MAML3: variants seen among roughly 807,000 people sequenced by gnomAD.
MAML3 encodes mastermind like transcriptional coactivator 3.
In MAML3, 27 loss-of-function variants were observed where a neutral mutation model predicts 101.9. The ratio of observed to expected loss-of-function variants is 0.27; its 90% confidence interval spans 0.20 to 0.37. The LOEUF is 0.37. MAML3 is among the 10% of genes least tolerant of loss of function. MAML3 has a pLI of 1.00. For synonymous variants in MAML3, 501 were observed against 555.9 expected (o/e 0.90, Z 1.39); for missense variants, 1,316 against 1,444.9 (o/e 0.91, Z 1.45).
At chr4:140,018,882 G>C (rs1195291950) in intron 1 of MAML3, among the ~76,000 whole-genome samples, 1 of 151,852 alleles carries the variant, frequency 6.6e-6, no homozygotes, top group Non-Finnish European at 1.5e-5. Context: ...ACACAGAGCA[G>C]TCATAACTGA....
intron 2 of MAML3, among the ~76,000 whole-genome samples, chr4:139,757,912 T>C (rs1729685212): frequency 6.6e-6 from 1 of 152,118 alleles, no homozygotes; most frequent in African/African-American, 2.4e-5. Context: ...CTCCCTGCCA[T>C]CACCGTGGCT....
chr4:139,808,668 C>T (rs1452832037), intron 2 of MAML3, among the ~76,000 whole-genome samples: 1 of 152,184 alleles, frequency 6.6e-6, no homozygotes, highest in East Asian at 1.9e-4. Context: ...CCTTTGTGTT[C>T]TCTCCCTCCC....
chr4:140,147,180 T>C (rs1422552009), intron 1 of MAML3, among the ~76,000 whole-genome samples: 1 of 149,638 alleles, frequency 6.7e-6, no homozygotes, highest in African/African-American at 2.5e-5. Flanking sequence ...TGAATCTGGC[T>C]AGAATAATAC....
intron 2 of MAML3, among the ~76,000 whole-genome samples, chr4:139,843,899 C>T (rs1731401007): frequency 6.6e-6 from 1 of 152,198 alleles, no homozygotes; most frequent in Non-Finnish European, 1.5e-5. Flanking sequence ...ACCCCACTCA[C>T]CAAAGGAGAA....
intron 1 of MAML3, among the ~76,000 whole-genome samples, chr4:140,080,994 C>T (rs1339231415): frequency 2.6e-5 from 4 of 152,164 alleles, no homozygotes; most frequent in Admixed American, 1.3e-4. Flanking sequence ...AATATATGAG[C>T]TGTTAGGTGG....
chr4:139,957,920 A>C (rs1030011895), intron 1 of MAML3, among the ~76,000 whole-genome samples: 3 of 152,270 alleles, frequency 2.0e-5, no homozygotes, highest in African/African-American at 7.2e-5. Context: ...TGACTGACAC[A>C]GAAGATCATT....
intron 1 of MAML3, among the ~76,000 whole-genome samples, chr4:139,911,913 G>C (rs886385419): frequency 1.3e-5 from 2 of 152,198 alleles, no homozygotes; most frequent in African/African-American, 4.8e-5. Flanking sequence ...TGTTACAGCA[G>C]CCTGGAAAGA....
intron 2 of MAML3, among the ~76,000 whole-genome samples, chr4:139,764,191 T>TAGTCCTGCTGACAAGC (rs1431073468): frequency 3.9e-5 from 6 of 152,254 alleles, no homozygotes; most frequent in Non-Finnish European, 8.8e-5. Flanking sequence ...CCTGGATCTG[T>TAGTCCTGCTGACAAGC]AGTCCTGCTG....
intron 1 of MAML3, among the ~76,000 whole-genome samples, chr4:140,032,342 G>T (rs369160865): frequency 2.0e-4 from 30 of 152,274 alleles, no homozygotes; most frequent in African/African-American, 6.5e-4. Flanking sequence ...TCTTTGTAGC[G>T]GATGACCTGT....
intron 1 of MAML3, among the ~76,000 whole-genome samples, chr4:140,056,778 T>C (rs527301120): frequency 6.7e-6 from 1 of 148,466 alleles, no homozygotes; most frequent in Middle Eastern, 3.3e-3. Flanking sequence ...CACTGCACTC[T>C]CCAGCCTCAG....
chr4:139,991,591 G>C (rs116172872), intron 1 of MAML3, among the ~76,000 whole-genome samples: 1 of 152,012 alleles, frequency 6.6e-6, no homozygotes, highest in African/African-American at 2.4e-5. Context: ...CATAAATCTT[G>C]TTCTTGAAAA....
intron 1 of MAML3, among the ~76,000 whole-genome samples, chr4:139,939,276 T>G (rs979873178): frequency 9.9e-5 from 15 of 152,240 alleles, no homozygotes; most frequent in Admixed American, 6.5e-4. Context: ...CTCCTCATTC[T>G]TGACAGAGGC....
chr4:139,732,672 G>A (rs1453192925), intron 2 of MAML3, among the ~76,000 whole-genome samples: 3 of 151,860 alleles, frequency 2.0e-5, no homozygotes, highest in Admixed American at 6.6e-5. Flanking sequence ...TCGGGGTACA[G>A]GTGGTATTTG....
Position 139,890,821 on chromosome 4 carries a change from A to G in MAML3, c.615T>C (p.Asn205=), listed in dbSNP as rs1732462867. 3 of 1,614,046 alleles carry G rather than the reference A, an allele frequency of 1.9e-6. No individual in the cohort carries two copies. The highest frequency in any genetic ancestry group is 2.5e-6 in the Non-Finnish European group (3 of 1,179,898). ...DISAGMEAIN[N]LPSNMPLPSA... is the part of the protein sequence containing the mutation. ...AAGGCAGTGGCATGTTACTGGGCAAATTGTTGATGGCTTCCATCCCCGCAG... is the reference window on the plus strand; with the variant it reads ...AAGGCAGTGGCATGTTACTGGGCAAGTTGTTGATGGCTTCCATCCCCGCAG... Residue 205 remains asparagine (N), a synonymous_variant, in exon 2 of 5, where the codon AAT becomes AAC. Coordinates refer to ENST00000509479, the MANE Select transcript of MAML3 (RefSeq NM_018717.5). This position sits in a 1 kb window ranked among gnomAD's most constrained non-coding sequence, Gnocchi z 4.1.
At chr4:140,110,573 G>A (rs1259396847) in intron 1 of MAML3, among the ~76,000 whole-genome samples, 3 of 152,176 alleles carry the variant, frequency 2.0e-5, no homozygotes, top group Non-Finnish European at 4.4e-5. Context: ...ACTTTGACCA[G>A]CAAACACTTT....
At chr4:139,915,830 A>G (rs1733016369) in intron 1 of MAML3, among the ~76,000 whole-genome samples, 1 of 152,164 alleles carries the variant, frequency 6.6e-6, no homozygotes, top group South Asian at 2.1e-4. Context: ...GGGGACAGGA[A>G]TTCCTCCGGA....
rs552087495 is a variant in MAML3 at position 139,878,064 on chromosome 4, T to C, written c.2079+11293A>G. Among the ~76,000 whole-genome samples the C allele has an allele frequency of 8.5e-5, 13 of 152,326 alleles. No homozygotes were observed. The South Asian group carries it at 2.7e-3, about 32-fold the overall frequency. On this transcript the variant is annotated intron_variant, in intron 2 of 4. Transcript: ENST00000509479. The stretch of plus-strand genomic sequence containing the variant: ...TCTTACTGTCTCACACTCAAAATAG[T>C]AGAAAGTCCTCTAAATGTTCTCCCA...
At chr4:139,884,481 A>G (rs1459659696) in intron 2 of MAML3, among the ~76,000 whole-genome samples, 1 of 152,200 alleles carries the variant, frequency 6.6e-6, no homozygotes, top group Non-Finnish European at 1.5e-5. Flanking sequence ...AAAAATTAAC[A>G]CCACATTTTG....
chr4:140,141,864 C>T (rs1323828836), intron 1 of MAML3, among the ~76,000 whole-genome samples: 3 of 152,092 alleles, frequency 2.0e-5, no homozygotes, highest in East Asian at 1.9e-4. Flanking sequence ...TATATTAAAC[C>T]ATATTAGATT....
Sources: allele counts gnomAD v4.1 joint callset (sites outside exome capture counted in the v4.1 genomes callset), GRCh38; gene constraint gnomAD v4.1.1; non-coding constraint Gnocchi (gnomAD v3.1); transcripts MANE v1.5; gene names NCBI Gene and HGNC (gene_info 2026-07-23, HGNC 2026-07-21).